The following TFE3 variants were observed in gnomAD, a reference collection of about 807,000 sequenced individuals.
TFE3 encodes the protein transcription factor E3.
In TFE3, 5 loss-of-function variants were observed where a neutral mutation model predicts 35.0. That is an observed-to-expected ratio of 0.14 (90% CI 0.07 to 0.30). TFE3 has a LOEUF of 0.30. TFE3 is among the 10% of genes least tolerant of loss of function. The probability of loss-of-function intolerance (pLI) is 1.00; values close to 1 mark genes in which losing one functional copy is unlikely to be tolerated. For synonymous variants in TFE3, 211 were observed against 215.6 expected (o/e 0.98, Z 0.18); for missense variants, 374 against 496.6 (o/e 0.75, Z 2.35).
Position 49,031,520 on chromosome X carries a change from G to A in TFE3, c.1161C>T (p.Thr387=). The change falls in exon 9 of 10, where the codon ACC becomes ACT. Residue 387 remains threonine (T), a synonymous_variant. Coordinates refer to ENST00000315869, the MANE Select transcript of TFE3 (RefSeq NM_006521.6). ...SDPEMRWNKG[T]ILKASVDYIR... ...TATAATCCACAGAGGCCTTCAGGAT[G>A]GTGCCCTTGTTCCAGCGCATCTCCC... 8.4e-7 allele frequency: 1 copy of A among 1,196,268 alleles called. No individual in the cohort carries two copies. The highest frequency in any genetic ancestry group is 1.8e-5 in the South Asian group (1 of 54,591).
rs971474665 is a variant in TFE3, at chrX:49,030,448, C to A, written c.1438G>T (p.Gly480Trp). 1 of 1,211,616 alleles carries A rather than the reference C, an allele frequency of 8.3e-7. No homozygotes were observed. The stretch of plus-strand genomic sequence containing the variant: ...GGAGCATTCTGGGCAGGTCCCCCCC[C>A]TACATGGAACGTTGCTGCGCCTGGC... ...GRPGAATFHV[G>W]GGPAQNAPHQ... The change falls in exon 10 of 10, where the codon GGG (glycine) becomes TGG (tryptophan). Residue 480 changes from glycine (G) to tryptophan (W), a missense_variant. This residue lies in a region of TFE3 where 117 missense variants were observed against 111.9 expected (regional missense o/e 1.05). Transcript: ENST00000315869.
At chrX:49,037,722 A>C in intron 5 of TFE3, 1 of 211,975 alleles carries the variant, frequency 4.7e-6, no homozygotes, top group Non-Finnish European at 8.4e-6. Context: ...AAAAAAGATT[A>C]TCATCTCTTG....
chrX:49,033,628 G>A, intron 7 of TFE3, 88 bp from the exon 8 acceptor site: 5 of 1,182,353 alleles, frequency 4.2e-6, no homozygotes, highest in Non-Finnish European at 5.7e-6. Flanking sequence ...AGGGAGTTGG[G>A]AGGCTGTTGC....
At chrX:49,033,882 C>CT (rs2064713726) in intron 6 of TFE3, 100 bp from the exon 7 acceptor site, 1 of 974,057 alleles carries the variant, frequency 1.0e-6, no homozygotes, top group African/African-American at 1.9e-5. Flanking sequence ...AGGGGAAATG[C>CT]CTTTTTTAAA....
Position 49,038,193 on chromosome X carries a change from T to C in TFE3, c.780+4A>G. On this transcript the variant is annotated splice_donor_region_variant and intron_variant, in intron 4 of 9. Transcript: ENST00000315869. ...TGGGAGGAGGTTTGGCTGTAGCCTCTTACCTCCTTCTCTGAGCTGGACCCG... is the reference window on the plus strand; with the variant it reads ...TGGGAGGAGGTTTGGCTGTAGCCTCCTACCTCCTTCTCTGAGCTGGACCCG... 1 of 1,212,143 alleles carries C rather than the reference T, an allele frequency of 8.2e-7. No homozygotes were observed. The highest frequency in any genetic ancestry group is 3.0e-5 in the East Asian group (1 of 33,838).
At chrX:49,040,954 G>A (rs1557075647) in intron 1 of TFE3, among the ~76,000 whole-genome samples, 1 of 96,935 alleles carries the variant, frequency 1.0e-5, no homozygotes, top group Non-Finnish European at 2.1e-5. Context: ...TTTTTTTTGA[G>A]ACAGAGTATC....
chrX:49,033,712 G>A lies in TFE3; in HGVS notation c.1060+14C>T, dbSNP rs782076934. On this transcript the variant is annotated intron_variant, in intron 7 of 9. Transcript: ENST00000315869. ...TGCACAGCACCCGGGCAATGCACACGCTCTCTGGCTTACTTAGGTTGTGAT... is the reference window on the plus strand; with the variant it reads ...TGCACAGCACCCGGGCAATGCACACACTCTCTGGCTTACTTAGGTTGTGAT... 8 of 1,209,031 alleles carry A rather than the reference G, an allele frequency of 6.6e-6. No homozygotes were observed. Among genetic ancestry groups the A allele is most frequent in the South Asian group, 1.8e-5 (1 of 56,749 alleles).
intron 5 of TFE3, among the ~76,000 whole-genome samples, chrX:49,036,493 AAT>A (rs200510384): frequency 0.018 from 206 of 11,360 alleles, 1 homozygote; most frequent in Non-Finnish European, 0.096. Flanking sequence ...TTCAATAAAA[AAT>A]AAATAAATAA....
In TFE3 at chrX:49,029,968, G is replaced by T; in HGVS notation, c.*190C>A. 2 of 527,642 alleles carry T rather than the reference G, an allele frequency of 3.8e-6. No individual in the cohort carries two copies. The highest frequency in any genetic ancestry group is 6.6e-6 in the Non-Finnish European group (2 of 301,907). 43.5% of individuals were successfully genotyped at this position (527,642 alleles called of 1,213,427 possible). A position where few individuals can be genotyped will look rare whatever the true frequency, so the allele number is the denominator to read the frequency against. On this transcript the variant is annotated 3_prime_UTR_variant, in exon 10 of 10. Transcript: ENST00000315869. ...ACCTGCACTGGGCGGTTCCTTTGGGGAAGGTGCAGGGCCTCATCTGACTCC... is the reference window on the plus strand; with the variant it reads ...ACCTGCACTGGGCGGTTCCTTTGGGTAAGGTGCAGGGCCTCATCTGACTCC...
chrX:49,034,327 T>C (rs2064716496), intron 5 of TFE3, 76 bp from the exon 6 acceptor site: 2 of 702,653 alleles, frequency 2.8e-6, no homozygotes. Context: ...ACCAGGTTCC[T>C]GAGCTTCCAC....
chrX:49,041,624 A>C (rs781784291), intron 1 of TFE3, among the ~76,000 whole-genome samples: 38 of 110,275 alleles, frequency 3.4e-4, no homozygotes, highest in Admixed American at 3.1e-3. Context: ...ACACACACAC[A>C]CCCCCAACAC....
At chrX:49,039,552 A>T in intron 2 of TFE3, 142 bp from the exon 3 acceptor site, 1 of 677,709 alleles carries the variant, frequency 1.5e-6, no homozygotes, top group African/African-American at 2.2e-5. Flanking sequence ...AAGCAGAGAC[A>T]CAGGAACCAG....
At position 49,029,405 on chromosome X, in the gene TFE3, T is replaced by C; in HGVS notation, c.*753A>G. On this transcript the variant is annotated 3_prime_UTR_variant, in exon 10 of 10. Transcript: ENST00000315869. ...TTAAGTACCACTCCTCCCTGCAGTG[T>C]GGAATGCTTAGATGGGATGTTGCTG... 1 of 224,541 alleles carries C rather than the reference T, an allele frequency of 4.5e-6. No individual in the cohort carries two copies. Among genetic ancestry groups the C allele is most frequent in the African/African-American group, 2.7e-5 (1 of 37,442 alleles). The allele number at this position is 224,541 out of a possible 1,213,427, so 18.5% of individuals were successfully genotyped here. A position where few individuals can be genotyped will look rare whatever the true frequency, so the allele number is the denominator to read the frequency against.
chrX:49,031,991 T>C (rs1461648091), intron 8 of TFE3: 1 of 114,320 alleles, frequency 8.7e-6, no homozygotes. Context: ...GCCTGCCCTG[T>C]CCTCACCTTC....
At chrX:49,036,466 CAA>C (rs56835437) in intron 5 of TFE3, among the ~76,000 whole-genome samples, 1 of 57,870 alleles carries the variant, frequency 1.7e-5, no homozygotes, top group Admixed American at 2.6e-4. Context: ...AACTCCATCT[CAA>C]AAAAAAAAAA....
In TFE3 at chrX:49,030,252, C is replaced by T. The variant is rs781859773; in HGVS notation, c.1634G>A (p.Arg545Gln). 3 of 1,209,904 alleles carry T rather than the reference C, an allele frequency of 2.5e-6. No homozygotes were observed. Among genetic ancestry groups the T allele is most frequent in the East Asian group, 3.0e-5 (1 of 33,775 alleles). The change falls in exon 10 of 10, where the codon CGG (arginine) becomes CAG (glutamine). Residue 545 changes from arginine to glutamine, a missense_variant. Transcript: ENST00000315869. ...GLSGGALSPLRAASDPLLSSV... is the reference protein window; with the variant it reads ...GLSGGALSPLQAASDPLLSSV... Reference sequence around the variant, plus strand: ...AGAGAGCAGGGGATCGGAGGCAGCCCGCAGTGGGGACAGGGCACCCCCCGA... The same window carrying T: ...AGAGAGCAGGGGATCGGAGGCAGCCTGCAGTGGGGACAGGGCACCCCCCGA...
intron 1 of TFE3, among the ~76,000 whole-genome samples, chrX:49,042,137 C>T (rs1297908263): frequency 9.0e-6 from 1 of 111,567 alleles, no homozygotes; most frequent in Non-Finnish European, 1.9e-5. Context: ...TGAGAAGAGG[C>T]CAGAGGGGAT....
chrX:49,031,819 A>G (rs1389314123), intron 8 of TFE3: 7 of 227,479 alleles, frequency 3.1e-5, no homozygotes, highest in Non-Finnish European at 5.5e-5. Context: ...CTACAGCCAC[A>G]TTGGTCTCTC....
chrX:49,037,803 C>T (rs2147775182), intron 5 of TFE3: 1 of 407,878 alleles, frequency 2.5e-6, no homozygotes, highest in African/African-American at 2.5e-5. Flanking sequence ...ACCTGTATCT[C>T]TCACAGTCTA....
Sources: allele counts gnomAD v4.1 joint callset (sites outside exome capture counted in the v4.1 genomes callset), GRCh38; gene constraint gnomAD v4.1.1; regional missense constraint gnomAD v4.1.1; transcripts MANE v1.5; gene names NCBI Gene and HGNC (gene_info 2026-07-23, HGNC 2026-07-21).